The following ABCC2 variants were observed in gnomAD, a reference collection of about 807,000 sequenced individuals.
The protein encoded by ABCC2 is ATP binding cassette subfamily C member 2, also known as ATP-binding cassette sub-family C member 2.
Under a neutral mutation model 173.4 loss-of-function variants are expected in ABCC2, and 157 were observed. That is an observed-to-expected ratio of 0.91 (90% CI 0.80 to 1.03). The LOEUF (loss-of-function observed/expected upper bound fraction) is 1.03. Among genes scored for constraint, ABCC2 ranks in the 50% least tolerant of loss-of-function variants. ABCC2 has a pLI of 0.00. For missense variants in ABCC2, 1,822 were observed against 1,852.3 expected, an observed-to-expected ratio of 0.98 and a Z score of 0.30; for synonymous variants, 657 against 693.5, an observed-to-expected ratio of 0.95 and a Z score of 0.83.
intron 28 of ABCC2, 46 bp from the exon 29 acceptor site, chr10:99,845,578 C>T (rs1008392980): frequency 1.2e-6 from 2 of 1,611,820 alleles, no homozygotes; most frequent in Non-Finnish European, 1.7e-6. Context: ...AACTTTTCCC[C>T]AAGAATTATT....
intron 28 of ABCC2, among the ~76,000 whole-genome samples, chr10:99,844,901 G>A (rs1310788808): frequency 4.6e-5 from 7 of 152,324 alleles, no homozygotes; most frequent in African/African-American, 7.2e-5. Flanking sequence ...GTTGTTCTCC[G>A]AGGACTTGGG....
chr10:99,817,319 C>T lies in ABCC2; in HGVS notation c.2106C>T (p.Ala702=). Residue 702 remains alanine (A), a synonymous_variant, in exon 17 of 32, where the codon GCC becomes GCT. Coordinates refer to ENST00000647814, the MANE Select transcript of ABCC2 (RefSeq NM_000392.5). ...CCTTTTTCATCTAGGGCACCACTGC[C>T]TATGTCCCACAGCAGTCCTGGATTC... is the stretch of plus-strand genomic sequence containing the variant. ...HGHITIKGTT[A]YVPQQSWIQN... 1 of 1,614,140 alleles carries T rather than the reference C, an allele frequency of 6.2e-7. No individual in the cohort carries two copies. The highest frequency in any genetic ancestry group is 8.5e-7 in the Non-Finnish European group (1 of 1,179,988).
At chr10:99,811,395 C>A in intron 14 of ABCC2, 141 bp from the exon 15 acceptor site, 2 of 805,384 alleles carry the variant, frequency 2.5e-6, no homozygotes, top group East Asian at 2.6e-5. Context: ...TAGGAGATTT[C>A]ATTCACCTCC....
Position 99,800,449 on chromosome 10 carries a change from C to T in ABCC2, c.1095C>T (p.Ile365=). 1 of 1,614,160 alleles carries T rather than the reference C, an allele frequency of 6.2e-7. No homozygotes were observed. Among genetic ancestry groups the T allele is most frequent in the Non-Finnish European group, 8.5e-7 (1 of 1,180,024 alleles). ...TYLWIGYLCA[I]LLFTAALIQS... ...TGTGGATTGGATATCTCTGTGCAAT[C>T]CTCTTATTCACTGCGGCTCTCATTC... The change falls in exon 9 of 32, where the codon ATC becomes ATT. Residue 365 remains isoleucine (I), a synonymous_variant. Transcript: ENST00000647814.
At chr10:99,794,934 A>G (rs2037872942) in intron 6 of ABCC2, among the ~76,000 whole-genome samples, 1 of 152,190 alleles carries the variant, frequency 6.6e-6, no homozygotes, top group South Asian at 2.1e-4. Context: ...AACTTAATCC[A>G]AGCCCTCCAT....
intron 19 of ABCC2, among the ~76,000 whole-genome samples, chr10:99,824,324 C>T (rs879106070): frequency 6.8e-6 from 1 of 147,828 alleles, no homozygotes; most frequent in Non-Finnish European, 1.5e-5. Context: ...TTTCTATCTG[C>T]ATCCCTAAAT....
intron 19 of ABCC2, among the ~76,000 whole-genome samples, chr10:99,823,079 A>G (rs1242554576): frequency 1.3e-5 from 2 of 152,164 alleles, no homozygotes; most frequent in African/African-American, 4.8e-5. Context: ...TTCCAAATGA[A>G]GGTACATGCG....
intron 19 of ABCC2, among the ~76,000 whole-genome samples, chr10:99,827,128 ATCCAT>A (rs570666889): frequency 0.043 from 6,537 of 151,866 alleles, 31 homozygotes; most frequent in Middle Eastern, 0.16. Flanking sequence ...ATTCCTGGAT[ATCCAT>A]ACTGACTTTC....
intron 14 of ABCC2, 62 bp downstream of exon 14, chr10:99,810,280 A>G: frequency 7.4e-7 from 1 of 1,350,844 alleles, no homozygotes; most frequent in South Asian, 1.2e-5. Flanking sequence ...GAATTTTGAT[A>G]ATACAAGAGC....
chr10:99,850,508 G>T, intron 30 of ABCC2, 94 bp from the exon 31 acceptor site: 3 of 1,298,914 alleles, frequency 2.3e-6, no homozygotes, highest in Non-Finnish European at 3.3e-6. Flanking sequence ...GGGGGGTTTT[G>T]AAAGTCTGAT....
intron 30 of ABCC2, among the ~76,000 whole-genome samples, chr10:99,848,406 T>G (rs1203861110): frequency 6.6e-6 from 1 of 152,228 alleles, no homozygotes; most frequent in East Asian, 1.9e-4. Flanking sequence ...CACACTGAAG[T>G]TCTGCCCTCA....
At chr10:99,830,954 T>G in intron 21 of ABCC2, 103 bp downstream of exon 21, 1 of 1,273,438 alleles carries the variant, frequency 7.9e-7, no homozygotes, top group Non-Finnish European at 1.1e-6. Flanking sequence ...AGGAGCAATA[T>G]GTCCTCTGTC....
chr10:99,809,809 A>G (rs374873256), intron 13 of ABCC2, among the ~76,000 whole-genome samples: 157 of 152,342 alleles, frequency 1.0e-3, no homozygotes, highest in African/African-American at 3.2e-3. Context: ...TTAGTTAAAT[A>G]AGAGAAAGCC....
chr10:99,825,440 G>T (rs539644834), intron 19 of ABCC2, among the ~76,000 whole-genome samples: 9 of 152,360 alleles, frequency 5.9e-5, no homozygotes, highest in African/African-American at 7.2e-5. Flanking sequence ...TTGAATAATG[G>T]CCTTACACAC....
At chr10:99,814,197 GTATATATACACACA>G (rs2038286626) in intron 16 of ABCC2, among the ~76,000 whole-genome samples, 1 of 50,200 alleles carries the variant, frequency 2.0e-5, no homozygotes, top group Admixed American at 2.0e-4. Flanking sequence ...ACACACATGT[GTATATATACACACA>G]TGTGTATATA....
At chr10:99,851,379 T>C in intron 31 of ABCC2, 123 bp from the exon 32 acceptor site, 1 of 1,136,002 alleles carries the variant, frequency 8.8e-7, no homozygotes, top group Non-Finnish European at 1.3e-6. Flanking sequence ...CTGTGGCTCA[T>C]TGATTTTCAC....
chr10:99,851,813 A>C lies in ABCC2; in HGVS notation c.*182A>C. On this transcript the variant is annotated 3_prime_UTR_variant, in exon 32 of 32. Coordinates refer to ENST00000647814, the MANE Select transcript of ABCC2 (RefSeq NM_000392.5). Reference sequence around the variant, plus strand: ...ATAAATGTCACCAGGTACTTGAGAAACCCCTCGATTGTCTACCTCGATCGT... The same window carrying C: ...ATAAATGTCACCAGGTACTTGAGAACCCCCTCGATTGTCTACCTCGATCGT... 3 of 560,542 alleles carry C rather than the reference A, an allele frequency of 5.4e-6. No individual in the cohort carries two copies. Among genetic ancestry groups the C allele is most frequent in the Non-Finnish European group, 8.8e-6 (3 of 340,510 alleles). The allele number at this position is 560,542 out of a possible 1,614,324, so 34.7% of individuals were successfully genotyped here.
chr10:99,813,364 T>C (rs1332677867), intron 16 of ABCC2, among the ~76,000 whole-genome samples: 1 of 152,182 alleles, frequency 6.6e-6, no homozygotes, highest in Non-Finnish European at 1.5e-5. Flanking sequence ...CTAAAGGTGA[T>C]TCTCATACGC....
chr10:99,831,997 C>G lies in ABCC2; in HGVS notation c.3124C>G (p.His1042Asp), dbSNP rs778602659. Residue 1042 changes from histidine to aspartate, a missense_variant, in exon 23 of 32, where the codon CAT (histidine) becomes GAT (aspartate). Coordinates refer to ENST00000647814, the MANE Select transcript of ABCC2 (RefSeq NM_000392.5). ...TCTAGGTATATTTGTGTTCATAGCA[C>G]ATTTCTGGAGTGCCTTTGGTTTCGT... is the stretch of plus-strand genomic sequence containing the variant. Reference protein sequence around the residue: ...LAQGIFVFIAHFWSAFGFVHA... With the variant: ...LAQGIFVFIADFWSAFGFVHA... 2 of 1,614,214 alleles carry G rather than the reference C, an allele frequency of 1.2e-6. No homozygotes were observed. The highest frequency in any genetic ancestry group is 1.3e-5 in the African/African-American group (1 of 75,054).
Sources: allele counts gnomAD v4.1 joint callset (sites outside exome capture counted in the v4.1 genomes callset), GRCh38; gene constraint gnomAD v4.1.1; transcripts MANE v1.5; gene names NCBI Gene and HGNC (gene_info 2026-07-23, HGNC 2026-07-21).